The following PTPRN2 variants were observed in gnomAD, a reference collection of about 807,000 sequenced individuals.
PTPRN2 encodes receptor-type tyrosine-protein phosphatase N2.
Under a neutral mutation model 118.8 loss-of-function variants are expected in PTPRN2, and 74 were observed. That is an observed-to-expected ratio of 0.62 (90% CI 0.52 to 0.76). The LOEUF is 0.76. Among genes scored for constraint, PTPRN2 ranks in the 30% least tolerant of loss-of-function variants. The pLI, the probability that PTPRN2 is intolerant of heterozygous loss-of-function variation, is 0.00. For missense variants in PTPRN2, 1,481 were observed against 1,394.4 expected (o/e 1.06, Z -0.99); for synonymous variants, 641 against 608.0 (o/e 1.05, Z -0.80).
intron 2 of PTPRN2, among the ~76,000 whole-genome samples, chr7:158,405,461 T>C (rs1813330205): frequency 2.0e-5 from 3 of 152,182 alleles, no homozygotes; most frequent in African/African-American, 7.2e-5. Flanking sequence ...TTTTTTAGCA[T>C]GATGCCTGAT....
rs1276882210 is a variant in PTPRN2 at position 157,977,197 on chromosome 7, C to T, written c.1724-78460G>A. On this transcript the variant is annotated intron_variant, in intron 11 of 22. Coordinates refer to ENST00000389418, the MANE Select transcript of PTPRN2 (RefSeq NM_002847.5). The surrounding 1 kb of genome is among the most constrained non-coding windows in gnomAD (Gnocchi z 4.6). Reference sequence around the variant, plus strand: ...TAGAGAGCCTATTGCGTACAGGTGCCGTTCCAGCACCGGGGACTCCCTGGT... The same window carrying T: ...TAGAGAGCCTATTGCGTACAGGTGCTGTTCCAGCACCGGGGACTCCCTGGT... Among the ~76,000 whole-genome samples, 2 of 151,904 alleles carry T rather than the reference C, an allele frequency of 1.3e-5. No homozygotes were observed. The highest frequency in any genetic ancestry group is 1.5e-5 in the Non-Finnish European group (1 of 67,950).
rs1267411383 is a variant in PTPRN2, at chr7:157,587,671, C to T, written c.2496+7567G>A. 2.0e-5 allele frequency among the ~76,000 whole-genome samples: 3 copies of T among 152,258 alleles called. No individual in the cohort carries two copies. Among genetic ancestry groups the T allele is most frequent in the Non-Finnish European group, 4.4e-5 (3 of 68,048 alleles). On this transcript the variant is annotated intron_variant, in intron 17 of 22. Transcript: ENST00000389418. This position sits in a 1 kb window ranked among gnomAD's most constrained non-coding sequence, Gnocchi z 5.3. The stretch of plus-strand genomic sequence containing the variant: ...ACACACATCCGATGCCAGTGGGACA[C>T]CTGCTGACTTCAGCGAGCGCTTTGT...
At chr7:158,111,984 G>A (rs183998911) in intron 9 of PTPRN2, among the ~76,000 whole-genome samples, 6 of 152,214 alleles carry the variant, frequency 3.9e-5, no homozygotes, top group African/African-American at 7.2e-5. Context: ...ACAGGGTGTC[G>A]CAAAGACATG....
chr7:158,044,579 C>A (rs1326694621), intron 11 of PTPRN2, among the ~76,000 whole-genome samples: 1 of 151,698 alleles, frequency 6.6e-6, no homozygotes, highest in South Asian at 2.1e-4. Flanking sequence ...GAGCTCGGGG[C>A]CTCGATCATT....
At chr7:158,090,436 C>CATAG (rs1403586308) in intron 10 of PTPRN2, among the ~76,000 whole-genome samples, 4 of 152,226 alleles carry the variant, frequency 2.6e-5, no homozygotes, top group Non-Finnish European at 5.9e-5. Context: ...ATATGTTGTA[C>CATAG]ATAGATAAGA....
At chr7:157,973,579 G>A (rs1802502749) in intron 11 of PTPRN2, among the ~76,000 whole-genome samples, 3 of 152,288 alleles carry the variant, frequency 2.0e-5, no homozygotes, top group East Asian at 1.9e-4. Flanking sequence ...AGCCACAGCC[G>A]GGTGGGGCTT....
chr7:158,424,181 A>T (rs1447097591), intron 2 of PTPRN2, among the ~76,000 whole-genome samples: 2 of 152,242 alleles, frequency 1.3e-5, no homozygotes, highest in East Asian at 3.9e-4. Flanking sequence ...CCACAGGTGG[A>T]TGCAGAGAGG....
intron 2 of PTPRN2, among the ~76,000 whole-genome samples, chr7:158,405,213 G>T (rs1274296244): frequency 6.6e-6 from 1 of 152,170 alleles, no homozygotes; most frequent in Non-Finnish European, 1.5e-5. Context: ...CTCCCGGGGT[G>T]CCTGGGAGAT....
intron 12 of PTPRN2, among the ~76,000 whole-genome samples, chr7:157,873,213 T>C (rs1191812608): frequency 6.6e-6 from 1 of 152,204 alleles, no homozygotes; most frequent in African/African-American, 2.4e-5. Context: ...GCTCCGACTG[T>C]CTCTCCTTTA....
At chr7:158,279,611 C>T (rs537781503) in intron 3 of PTPRN2, among the ~76,000 whole-genome samples, 7 of 152,366 alleles carry the variant, frequency 4.6e-5, no homozygotes, top group East Asian at 1.9e-4. Context: ...CAGCAGGTGC[C>T]GGCCAGTCCC....
At position 157,590,579 on chromosome 7, in the gene PTPRN2, G is replaced by A. The variant is rs145915660; in HGVS notation, c.2496+4659C>T. Among the ~76,000 whole-genome samples the A allele has an allele frequency of 8.3e-3, 1,263 of 152,354 alleles. 18 individuals are homozygous for A. Among genetic ancestry groups the A allele is most frequent in the African/African-American group, 0.029 (1,215 of 41,588 alleles). ...TGTGTGCAGTGAGTGGTGACCCTCC[G>A]TGGATTTTCGTGCACGTTCTGGGCT... is the stretch of plus-strand genomic sequence containing the variant. On this transcript the variant is annotated intron_variant, in intron 17 of 22. Coordinates refer to ENST00000389418, the MANE Select transcript of PTPRN2 (RefSeq NM_002847.5). This position sits in a 1 kb window ranked among gnomAD's most constrained non-coding sequence, Gnocchi z 4.0.
chr7:157,594,870 G>A (rs906801002), intron 17 of PTPRN2, among the ~76,000 whole-genome samples: 1 of 152,228 alleles, frequency 6.6e-6, no homozygotes, highest in Non-Finnish European at 1.5e-5. Flanking sequence ...GAGGATGACA[G>A]AGGATGTACT....
intron 12 of PTPRN2, among the ~76,000 whole-genome samples, chr7:157,743,425 G>A (rs771210545): frequency 2.6e-5 from 4 of 152,212 alleles, no homozygotes; most frequent in African/African-American, 9.7e-5. Flanking sequence ...TAAGAATTAG[G>A]CTTCCCACCT....
chr7:158,329,226 C>T (rs1319942350), intron 2 of PTPRN2, among the ~76,000 whole-genome samples: 2 of 152,194 alleles, frequency 1.3e-5, no homozygotes, highest in Admixed American at 1.3e-4. Flanking sequence ...GTGGGAGGCC[C>T]TTCTGGGAGG....
chr7:157,839,777 C>T (rs1436776774), intron 12 of PTPRN2, among the ~76,000 whole-genome samples: 1 of 149,772 alleles, frequency 6.7e-6, no homozygotes, highest in African/African-American at 2.5e-5. Context: ...GACTATGTAA[C>T]CATGTGTGGC....
chr7:158,052,525 G>A (rs554807124), intron 11 of PTPRN2, among the ~76,000 whole-genome samples: 12 of 152,352 alleles, frequency 7.9e-5, no homozygotes, highest in African/African-American at 2.9e-4. Context: ...CCGCATGGAT[G>A]GTAGAGGGGT....
intron 6 of PTPRN2, among the ~76,000 whole-genome samples, chr7:158,149,030 G>A (rs1469864368): frequency 8.8e-5 from 11 of 124,336 alleles, no homozygotes; most frequent in Non-Finnish European, 1.3e-4. Flanking sequence ...CACGCCACGT[G>A]TCTTTCCCTC....
intron 3 of PTPRN2, among the ~76,000 whole-genome samples, chr7:158,238,604 C>G (rs765465100): frequency 5.3e-5 from 8 of 152,176 alleles, no homozygotes; most frequent in African/African-American, 9.7e-5. Context: ...GCTTTACTTT[C>G]CTTGTCTTAA....
intron 11 of PTPRN2, among the ~76,000 whole-genome samples, chr7:158,017,281 CAA>C (rs1410924414): frequency 1.3e-5 from 2 of 152,142 alleles, no homozygotes; most frequent in Non-Finnish European, 2.9e-5. Context: ...CTAGGAACAT[CAA>C]AGAGGCCCCG....
Sources: gnomAD v4.1 joint callset for allele counts (sites outside exome capture counted in the v4.1 genomes callset) on GRCh38, gnomAD v4.1.1 for gene constraint, Gnocchi (gnomAD v3.1) non-coding constraint, MANE v1.5 for transcripts, NCBI Gene and HGNC (gene_info 2026-07-23, HGNC 2026-07-21) for gene names.